Variants in PTPRN2 observed in about 807,000 individuals in gnomAD.
The protein encoded by PTPRN2 is protein tyrosine phosphatase receptor type N2.
Under a neutral mutation model 118.8 loss-of-function variants are expected in PTPRN2, and 74 were observed. The observed-to-expected ratio is 0.62, with a 90% CI of 0.52 to 0.76. The LOEUF (loss-of-function observed/expected upper bound fraction) is 0.76. PTPRN2 is among the 30% of genes least tolerant of loss of function. The probability of loss-of-function intolerance (pLI) is 0.00; values close to 1 mark genes in which losing one functional copy is unlikely to be tolerated. For synonymous variants in PTPRN2, 641 were observed against 608.0 expected, an observed-to-expected ratio of 1.05 and a Z score of -0.80; for missense variants, 1,481 against 1,394.4, an observed-to-expected ratio of 1.06 and a Z score of -0.99.
At chr7:157,597,740 A>T (rs891431533) in intron 16 of PTPRN2, among the ~76,000 whole-genome samples, 1 of 152,068 alleles carries the variant, frequency 6.6e-6, no homozygotes, top group Non-Finnish European at 1.5e-5. Context: ...TGGGAGGGGG[A>T]TGGCTGAACA....
At chr7:157,962,214 C>T (rs1034288774) in intron 11 of PTPRN2, among the ~76,000 whole-genome samples, 4 of 152,298 alleles carry the variant, frequency 2.6e-5, no homozygotes, top group Middle Eastern at 3.4e-3. Flanking sequence ...AAAATGTTTG[C>T]GTATTAGCAT....
intron 12 of PTPRN2, among the ~76,000 whole-genome samples, chr7:157,851,655 A>T (rs1328171416): frequency 6.6e-6 from 1 of 152,176 alleles, no homozygotes; most frequent in Non-Finnish European, 1.5e-5. Context: ...GCCCAGCTCT[A>T]GGTGCCTGAG....
In PTPRN2 at chr7:158,265,889, C is replaced by T. The variant is rs140732690; in HGVS notation, c.277+50930G>A. Reference sequence around the variant, plus strand: ...CCATGGAACACAGAATCAGAGTCTGCGTGGGGGCTGCGTCCACCCCATCTG... The same window carrying T: ...CCATGGAACACAGAATCAGAGTCTGTGTGGGGGCTGCGTCCACCCCATCTG... On this transcript the variant is annotated intron_variant, in intron 3 of 22. Coordinates refer to ENST00000389418, the MANE Select transcript of PTPRN2 (RefSeq NM_002847.5). 5.8e-4 allele frequency among the ~76,000 whole-genome samples: 89 copies of T among 152,344 alleles called. 1 individual carries two copies. The East Asian group carries it at 0.015, about 26-fold the overall frequency.
intron 15 of PTPRN2, among the ~76,000 whole-genome samples, chr7:157,614,661 CA>C (rs1563264464): frequency 6.6e-6 from 1 of 152,174 alleles, no homozygotes; most frequent in Non-Finnish European, 1.5e-5. Flanking sequence ...CCCCAACCCC[CA>C]GGACTGCGGA....
intron 2 of PTPRN2, among the ~76,000 whole-genome samples, chr7:158,323,547 A>C (rs1232889301): frequency 6.6e-6 from 1 of 152,258 alleles, no homozygotes; most frequent in Non-Finnish European, 1.5e-5. Context: ...TTTTATTAAC[A>C]GTAATCTAGA....
At chr7:157,718,447 T>C (rs1799041058) in intron 12 of PTPRN2, among the ~76,000 whole-genome samples, 1 of 152,186 alleles carries the variant, frequency 6.6e-6, no homozygotes, top group Non-Finnish European at 1.5e-5. Context: ...CAGGGCGTGT[T>C]TGGAGAGCGC....
At chr7:157,971,292 A>T (rs938045903) in intron 11 of PTPRN2, among the ~76,000 whole-genome samples, 1 of 152,216 alleles carries the variant, frequency 6.6e-6, no homozygotes, top group Non-Finnish European at 1.5e-5. Context: ...CTTATCCATC[A>T]CGAATCCGTA....
intron 11 of PTPRN2, among the ~76,000 whole-genome samples, chr7:158,059,650 C>T (rs549153161): frequency 2.1e-4 from 22 of 104,534 alleles, no homozygotes; most frequent in East Asian, 9.2e-4. Flanking sequence ...CATCTGCCCA[C>T]GGTGACGCAT....
intron 3 of PTPRN2, among the ~76,000 whole-genome samples, chr7:158,219,223 G>A (rs1300696823): frequency 1.3e-5 from 2 of 151,924 alleles, no homozygotes; most frequent in Non-Finnish European, 2.9e-5. Flanking sequence ...CCACTCTCTT[G>A]GCCCACATGT....
intron 12 of PTPRN2, among the ~76,000 whole-genome samples, chr7:157,824,652 C>T (rs996337310): frequency 3.3e-5 from 5 of 152,146 alleles, no homozygotes; most frequent in Non-Finnish European, 4.4e-5. Flanking sequence ...AGACCTGGCT[C>T]GACAGGAAGT....
chr7:157,946,325 AAG>A (rs1800487333), intron 11 of PTPRN2, among the ~76,000 whole-genome samples: 1 of 152,208 alleles, frequency 6.6e-6, no homozygotes, highest in African/African-American at 2.4e-5. Context: ...CCTGAGAGAC[AAG>A]AGTTTCCTCA....
At chr7:158,480,419 C>A (rs1486095314) in intron 2 of PTPRN2, among the ~76,000 whole-genome samples, 3 of 152,164 alleles carry the variant, frequency 2.0e-5, no homozygotes, top group Admixed American at 6.5e-5. Context: ...CTCCTCCAGC[C>A]TCCCTATTCC....
intron 22 of PTPRN2, among the ~76,000 whole-genome samples, chr7:157,541,050 T>C (rs1184195599): frequency 1.3e-5 from 2 of 152,168 alleles, no homozygotes; most frequent in East Asian, 1.9e-4. Flanking sequence ...GCCTCATCTT[T>C]CCCCCTGCGG....
chr7:158,203,782 A>T (rs912975403), intron 4 of PTPRN2, among the ~76,000 whole-genome samples: 1 of 152,220 alleles, frequency 6.6e-6, no homozygotes, highest in Non-Finnish European at 1.5e-5. Flanking sequence ...CACATCCAAA[A>T]TAGAAATTCA....
chr7:157,818,515 CAA>C (rs998327546), intron 12 of PTPRN2, among the ~76,000 whole-genome samples: 3 of 146,582 alleles, frequency 2.0e-5, no homozygotes, highest in African/African-American at 8.3e-5. Context: ...AGGGACGTCT[CAA>C]GAGAGGGCGT....
rs1195957868 is a variant in PTPRN2 at position 157,684,596 on chromosome 7, C to T, written c.1789-1659G>A. Among the ~76,000 whole-genome samples, 4 of 150,256 alleles carry T rather than the reference C, an allele frequency of 2.7e-5. No homozygotes were observed. In the East Asian group the frequency reaches 7.9e-4, roughly 30 times the overall value. On this transcript the variant is annotated intron_variant, in intron 12 of 22. Coordinates refer to ENST00000389418, the MANE Select transcript of PTPRN2 (RefSeq NM_002847.5). The stretch of plus-strand genomic sequence containing the variant: ...CCTCCCCGGTCTCCTCCCCTCCCCT[C>T]CCCTCCGCCCCCCTCCCTCCGGCCC...
intron 13 of PTPRN2, among the ~76,000 whole-genome samples, chr7:157,656,855 CACACAT>C (rs1806146842): frequency 8.2e-6 from 1 of 122,680 alleles, no homozygotes; most frequent in African/African-American, 2.8e-5. Flanking sequence ...CACACACACA[CACACAT>C]CACACATATA....
chr7:158,180,135 C>T (rs1351824190), intron 5 of PTPRN2, among the ~76,000 whole-genome samples: 3 of 152,252 alleles, frequency 2.0e-5, no homozygotes, highest in Admixed American at 6.5e-5. Context: ...TGGGCTAAGC[C>T]CCACTTTGGG....
rs1287749770 is a variant in PTPRN2, at chr7:158,071,524, A to AGGTGCTCGTGGTG, written c.1723+9773_1723+9774insCACCACGAGCACC. Among the ~76,000 whole-genome samples the AGGTGCTCGTGGTG allele has an allele frequency of 1.0e-4, 11 of 108,548 alleles. 1 individual carries two copies. The highest frequency in any genetic ancestry group is 3.8e-4 in the African/African-American group (10 of 26,478). 71.2% of individuals were successfully genotyped at this position (108,548 alleles called of 152,430 possible). On this transcript the variant is annotated intron_variant, in intron 11 of 22. Coordinates refer to ENST00000389418, the MANE Select transcript of PTPRN2 (RefSeq NM_002847.5). ...CTGGTGGAGATGCTCGTGGTGGTGG[A>AGGTGCTCGTGGTG]GATGCTCGTGATGATGGAGGTGCTC...
Sources: gnomAD v4.1 joint callset for allele counts (sites outside exome capture counted in the v4.1 genomes callset) on GRCh38, gnomAD v4.1.1 for gene constraint, MANE v1.5 for transcripts, NCBI Gene and HGNC (gene_info 2026-07-23, HGNC 2026-07-21) for gene names.